PHKB: variants seen among roughly 807,000 people sequenced by gnomAD.
PHKB encodes the protein phosphorylase b kinase regulatory subunit beta.
A neutral mutation model predicts 152.1 loss-of-function variants in PHKB; 122 were observed. The ratio of observed to expected loss-of-function variants is 0.80; its 90% CI spans 0.69 to 0.93. The LOEUF (loss-of-function observed/expected upper bound fraction) is 0.93, where lower values mean the gene tolerates loss of function less well. Ranked by LOEUF, PHKB falls within the 40% of genes least tolerant of loss-of-function variation. The probability of loss-of-function intolerance (pLI) is 0.00; values close to 1 mark genes in which losing one functional copy is unlikely to be tolerated. For synonymous variants in PHKB, 436 were observed against 464.9 expected (o/e 0.94, Z 0.80); for missense variants, 1,304 against 1,328.4 (o/e 0.98, Z 0.29).
intron 27 of PHKB, among the ~76,000 whole-genome samples, chr16:47,690,284 A>C (rs1413671465): frequency 1.3e-5 from 2 of 152,244 alleles, no homozygotes; most frequent in African/African-American, 4.8e-5. Context: ...TTAGAAATCT[A>C]AATGTAAAAA....
intron 4 of PHKB, among the ~76,000 whole-genome samples, chr16:47,504,790 G>A (rs939646555): frequency 1.3e-5 from 2 of 152,254 alleles, no homozygotes; most frequent in African/African-American, 4.8e-5. Flanking sequence ...TTGGCGCAGT[G>A]AAGGTGAAGG....
At chr16:47,646,140 A>C (rs1046162851) in intron 16 of PHKB, among the ~76,000 whole-genome samples, 2 of 11,832 alleles carry the variant, frequency 1.7e-4, no homozygotes, top group Non-Finnish European at 3.3e-4. Context: ...CAAATGTCCA[A>C]CAATGATAGA....
chr16:47,670,174 C>T (rs1973613765), intron 26 of PHKB, among the ~76,000 whole-genome samples: 1 of 152,060 alleles, frequency 6.6e-6, no homozygotes, highest in African/African-American at 2.4e-5. Context: ...TTTTATTGTA[C>T]AAGTATCGTG....
chr16:47,478,597 A>G (rs1969911244), intron 1 of PHKB, among the ~76,000 whole-genome samples: 1 of 151,818 alleles, frequency 6.6e-6, no homozygotes, highest in Non-Finnish European at 1.5e-5. Context: ...TTAAAAAAAA[A>G]TCTTTAGAAT....
chr16:47,470,850 A>G (rs1253506361), intron 1 of PHKB, among the ~76,000 whole-genome samples: 1 of 152,196 alleles, frequency 6.6e-6, no homozygotes, highest in Non-Finnish European at 1.5e-5. Context: ...GTAATAAATA[A>G]TAGTGGTTGA....
chr16:47,667,229 C>T (rs1973554539), intron 25 of PHKB, among the ~76,000 whole-genome samples: 2 of 151,608 alleles, frequency 1.3e-5, no homozygotes, highest in Non-Finnish European at 2.9e-5. Flanking sequence ...GCCAGGAATT[C>T]GAGACCAGCC....
intron 7 of PHKB, among the ~76,000 whole-genome samples, chr16:47,552,348 G>T (rs1006888940): frequency 6.6e-6 from 1 of 152,124 alleles, no homozygotes; most frequent in Non-Finnish European, 1.5e-5. Flanking sequence ...GCAGTGGCTG[G>T]TATTGGTTTT....
In PHKB at chr16:47,641,593, C is replaced by G. The variant is rs1973022468; in HGVS notation, c.1515-6C>G. 1 of 1,488,452 alleles carries G rather than the reference C, an allele frequency of 6.7e-7. No individual in the cohort carries two copies. Among genetic ancestry groups the G allele is most frequent in the South Asian group, 1.1e-5 (1 of 88,544 alleles). The allele number at this position is 1,488,452 out of a possible 1,614,324, so 92.2% of individuals were successfully genotyped here. On this transcript the variant is annotated splice_polypyrimidine_tract_variant and splice_region_variant and intron_variant, in intron 15 of 30. Transcript: ENST00000323584. Reference sequence around the variant, plus strand: ...AAACGTCTCTTTTTATCCCTATGATCTTTAGACTTCAAGTTTTTCTGAACA... The same window carrying G: ...AAACGTCTCTTTTTATCCCTATGATGTTTAGACTTCAAGTTTTTCTGAACA...
At chr16:47,677,032 GA>G (rs1245882428) in intron 26 of PHKB, among the ~76,000 whole-genome samples, 8 of 152,216 alleles carry the variant, frequency 5.3e-5, no homozygotes, top group African/African-American at 1.4e-4. Flanking sequence ...TCACACATCC[GA>G]AGCTTAGAGA....
intron 26 of PHKB, among the ~76,000 whole-genome samples, chr16:47,681,734 T>A (rs182476570): frequency 2.0e-5 from 3 of 152,296 alleles, no homozygotes; most frequent in East Asian, 3.9e-4. Context: ...AATTTGCCAG[T>A]CTGTGTCTTT....
At chr16:47,540,632 A>T (rs1410706517) in intron 6 of PHKB, among the ~76,000 whole-genome samples, 1 of 151,938 alleles carries the variant, frequency 6.6e-6, no homozygotes, top group African/African-American at 2.4e-5. Context: ...GCCAACACTT[A>T]GGGAAAATAA....
intron 13 of PHKB, among the ~76,000 whole-genome samples, chr16:47,603,717 C>T (rs1415623534): frequency 6.6e-6 from 1 of 152,056 alleles, no homozygotes; most frequent in Non-Finnish European, 1.5e-5. Context: ...GTTGCCCAGG[C>T]TGGTCTCGAA....
At chr16:47,548,421 A>T (rs1428526341) in intron 7 of PHKB, among the ~76,000 whole-genome samples, 1 of 152,142 alleles carries the variant, frequency 6.6e-6, no homozygotes, top group African/African-American at 2.4e-5. Flanking sequence ...AGCGTGGCCA[A>T]CATGGTGAAA....
At chr16:47,639,246 C>T (rs932548945) in intron 14 of PHKB, among the ~76,000 whole-genome samples, 4 of 152,136 alleles carry the variant, frequency 2.6e-5, no homozygotes, top group African/African-American at 9.7e-5. Context: ...CACTCCACTA[C>T]ACTCCAGCCT....
chr16:47,549,262 A>G (rs916278072), intron 7 of PHKB, among the ~76,000 whole-genome samples: 1 of 152,234 alleles, frequency 6.6e-6, no homozygotes, highest in African/African-American at 2.4e-5. Context: ...GATGATTTTT[A>G]AAATTTACCT....
At chr16:47,574,475 T>C (rs1971717040) in intron 7 of PHKB, among the ~76,000 whole-genome samples, 1 of 152,200 alleles carries the variant, frequency 6.6e-6, no homozygotes, top group South Asian at 2.1e-4. Context: ...ACAGCATAAA[T>C]CTCTGCACGT....
chr16:47,545,777 C>A (rs1207267094), intron 6 of PHKB, among the ~76,000 whole-genome samples: 1 of 152,136 alleles, frequency 6.6e-6, no homozygotes, highest in Non-Finnish European at 1.5e-5. Flanking sequence ...TTCTTGGAGG[C>A]CTTGTTCGTT....
At chr16:47,502,038 A>G (rs1298296899) in intron 3 of PHKB, among the ~76,000 whole-genome samples, 2 of 152,206 alleles carry the variant, frequency 1.3e-5, no homozygotes, top group Admixed American at 6.5e-5. Flanking sequence ...TCACCATACT[A>G]TGTCAAAATA....
chr16:47,677,311 A>C (rs1482642707), intron 26 of PHKB, among the ~76,000 whole-genome samples: 2 of 152,194 alleles, frequency 1.3e-5, no homozygotes, highest in Non-Finnish European at 2.9e-5. Context: ...ATTCCTCTCC[A>C]TATTAATATG....
Sources: allele counts gnomAD v4.1 joint callset (sites outside exome capture counted in the v4.1 genomes callset), GRCh38; gene constraint gnomAD v4.1.1; transcripts MANE v1.5; gene names NCBI Gene and HGNC (gene_info 2026-07-23, HGNC 2026-07-21).